The following ZNF385B variants were observed in gnomAD, a reference collection of about 807,000 sequenced individuals.
ZNF385B encodes zinc finger protein 533.
A neutral mutation model predicts 39.2 loss-of-function variants in ZNF385B; 23 were observed. The observed-to-expected ratio is 0.59, with a 90% CI of 0.42 to 0.83. The LOEUF (loss-of-function observed/expected upper bound fraction) is 0.83, where lower values mean the gene tolerates loss of function less well. Ranked by LOEUF, ZNF385B falls within the 40% of genes least tolerant of loss-of-function variation. ZNF385B has a pLI of 0.00. For missense variants in ZNF385B, 552 were observed against 598.9 expected (o/e 0.92, Z 0.82); for synonymous variants, 205 against 222.6 (o/e 0.92, Z 0.70).
intron 1 of ZNF385B, among the ~76,000 whole-genome samples, chr2:179,815,312 A>T (rs1272574760): frequency 6.6e-6 from 1 of 152,172 alleles, no homozygotes; most frequent in Non-Finnish European, 1.5e-5. Flanking sequence ...ATACAGATAG[A>T]TTTATATGCA....
At chr2:179,730,616 C>T (rs549060108) in intron 3 of ZNF385B, among the ~76,000 whole-genome samples, 1 of 152,236 alleles carries the variant, frequency 6.6e-6, no homozygotes, top group South Asian at 2.1e-4. Flanking sequence ...ACTTCCAAAT[C>T]AATTATTGCA....
intron 1 of ZNF385B, among the ~76,000 whole-genome samples, chr2:179,837,414 A>G (rs547931644): frequency 4.3e-4 from 66 of 152,374 alleles, no homozygotes; most frequent in African/African-American, 1.4e-3. Flanking sequence ...CTCCTGACAT[A>G]GAAAGTATTA....
chr2:179,705,423 A>T (rs1458326127), intron 3 of ZNF385B, among the ~76,000 whole-genome samples: 1 of 152,038 alleles, frequency 6.6e-6, no homozygotes, highest in East Asian at 1.9e-4. Context: ...CATCTTTCTC[A>T]CCACCCACAA....
intron 3 of ZNF385B, among the ~76,000 whole-genome samples, chr2:179,732,382 A>G (rs1701451851): frequency 6.6e-6 from 1 of 152,236 alleles, no homozygotes; most frequent in Non-Finnish European, 1.5e-5. Flanking sequence ...TGATCATAAT[A>G]GGAAAAGGGT....
At chr2:179,698,677 C>A (rs1479659002) in intron 3 of ZNF385B, among the ~76,000 whole-genome samples, 2 of 152,138 alleles carry the variant, frequency 1.3e-5, no homozygotes, top group African/African-American at 2.4e-5. Context: ...GAGGAGTGAT[C>A]ATAATAAAAG....
intron 3 of ZNF385B, among the ~76,000 whole-genome samples, chr2:179,754,102 G>A (rs1474746619): frequency 6.6e-6 from 1 of 152,110 alleles, no homozygotes; most frequent in Non-Finnish European, 1.5e-5. Context: ...TTTCAGATAC[G>A]TCCCATCAAT....
At chr2:179,713,341 C>T (rs775051608) in intron 3 of ZNF385B, among the ~76,000 whole-genome samples, 2 of 152,166 alleles carry the variant, frequency 1.3e-5, no homozygotes, top group Non-Finnish European at 2.9e-5. Flanking sequence ...TCCTCTCTCT[C>T]GGCTCCAGCC....
chr2:179,777,889 C>T (rs977001148), intron 1 of ZNF385B, among the ~76,000 whole-genome samples: 2 of 151,918 alleles, frequency 1.3e-5, no homozygotes, highest in African/African-American at 4.8e-5. Flanking sequence ...TCTCCCGCCT[C>T]AGCCTCATGA....
At chr2:179,503,966 G>A (rs1276937839) in intron 5 of ZNF385B, among the ~76,000 whole-genome samples, 5 of 147,920 alleles carry the variant, frequency 3.4e-5, no homozygotes, top group South Asian at 2.2e-4. Flanking sequence ...ATGCTGGTGC[G>A]CTGCACCCAC....
At chr2:179,582,339 G>A (rs576725956) in intron 3 of ZNF385B, among the ~76,000 whole-genome samples, 1 of 152,256 alleles carries the variant, frequency 6.6e-6, no homozygotes, top group South Asian at 2.1e-4. Context: ...TTGGTTACCA[G>A]CTCCTCCAGG....
chr2:179,501,940 C>T (rs911011716), intron 5 of ZNF385B, among the ~76,000 whole-genome samples: 3 of 151,796 alleles, frequency 2.0e-5, no homozygotes, highest in African/African-American at 7.3e-5. Context: ...TTCAATAATC[C>T]CTTACTGGTG....
intron 5 of ZNF385B, among the ~76,000 whole-genome samples, chr2:179,491,406 A>C (rs573089548): frequency 1.2e-4 from 18 of 152,312 alleles, no homozygotes; most frequent in African/African-American, 2.6e-4. Flanking sequence ...CATGAAGTAA[A>C]TGAAACCTGG....
chr2:179,472,758 A>AC (rs952002499), intron 6 of ZNF385B, among the ~76,000 whole-genome samples: 4 of 151,610 alleles, frequency 2.6e-5, no homozygotes, highest in South Asian at 2.1e-4. Context: ...TTTGGATCAT[A>AC]CCCCCCCTCC....
chr2:179,690,141 A>G (rs1277535225), intron 3 of ZNF385B, among the ~76,000 whole-genome samples: 1 of 152,142 alleles, frequency 6.6e-6, no homozygotes, highest in Admixed American at 6.5e-5. Context: ...CAGCTGATAG[A>G]CCCAGGTAAG....
At chr2:179,760,216 C>CCGTGTGCGCGCG (rs1553525620) in intron 3 of ZNF385B, among the ~76,000 whole-genome samples, 2 of 110,272 alleles carry the variant, frequency 1.8e-5, no homozygotes, top group African/African-American at 6.7e-5. Context: ...ACCTGGATTC[C>CCGTGTGCGCGCG]TGTGTGCGTG....
chr2:179,835,875 T>C (rs1412788652), intron 1 of ZNF385B, among the ~76,000 whole-genome samples: 4 of 152,098 alleles, frequency 2.6e-5, no homozygotes, highest in Non-Finnish European at 4.4e-5. Flanking sequence ...AAGTTGTTAT[T>C]ATGATTATTA....
At chr2:179,642,647 G>A (rs1163626550) in intron 3 of ZNF385B, among the ~76,000 whole-genome samples, 1 of 152,054 alleles carries the variant, frequency 6.6e-6, no homozygotes, top group African/African-American at 2.4e-5. Context: ...CTTTTTCACT[G>A]TTACTATTTG....
In ZNF385B at chr2:179,565,231, C is replaced by A. The variant is rs1351073331; in HGVS notation, c.299-20262G>T. On this transcript the variant is annotated intron_variant, in intron 3 of 9. Coordinates refer to ENST00000410066, the MANE Select transcript of ZNF385B (RefSeq NM_152520.6). ...TGTAATACTATACACCTGTCTAAATCTCTACTCGGCTACTTACCAGCTGGG... is the reference window on the plus strand; with the variant it reads ...TGTAATACTATACACCTGTCTAAATATCTACTCGGCTACTTACCAGCTGGG... Among the ~76,000 whole-genome samples, 3 of 152,198 alleles carry A rather than the reference C, an allele frequency of 2.0e-5. No homozygotes were observed. In the South Asian group the frequency reaches 6.2e-4, roughly 31 times the overall value.
intron 3 of ZNF385B, among the ~76,000 whole-genome samples, chr2:179,590,968 T>C (rs1306526365): frequency 6.6e-6 from 1 of 152,164 alleles, no homozygotes; most frequent in Non-Finnish European, 1.5e-5. Context: ...TACACTGACC[T>C]ACATTTACTT....
Sources: gnomAD v4.1 joint callset for allele counts (sites outside exome capture counted in the v4.1 genomes callset) on GRCh38, gnomAD v4.1.1 for gene constraint, MANE v1.5 for transcripts, NCBI Gene and HGNC (gene_info 2026-07-23, HGNC 2026-07-21) for gene names.